ATP6V1C2: variants seen among roughly 807,000 people sequenced by gnomAD.
ATP6V1C2 encodes the protein V-type proton ATPase subunit C 2.
ATP6V1C2 carries 45 observed loss-of-function variants against 56.8 expected under a neutral mutation model. That is an observed-to-expected ratio of 0.79 (90% CI 0.62 to 1.02). The LOEUF (loss-of-function observed/expected upper bound fraction) is 1.02, where lower values mean the gene tolerates loss of function less well. Among genes scored for constraint, ATP6V1C2 ranks in the 50% least tolerant of loss-of-function variants. The pLI is 0.00. For missense variants in ATP6V1C2, 463 were observed against 519.7 expected, an observed-to-expected ratio of 0.89 and a Z score of 1.06; for synonymous variants, 220 against 201.3, an observed-to-expected ratio of 1.09 and a Z score of -0.79.
intron 5 of ATP6V1C2, among the ~76,000 whole-genome samples, chr2:10,766,362 T>C (rs1227919591): frequency 6.6e-6 from 1 of 152,184 alleles, no homozygotes; most frequent in Admixed American, 6.5e-5. Flanking sequence ...GACTCCTCTA[T>C]CATCTCACAA....
At chr2:10,736,211 G>C (rs1302462261) in intron 3 of ATP6V1C2, among the ~76,000 whole-genome samples, 3 of 152,086 alleles carry the variant, frequency 2.0e-5, no homozygotes, top group Non-Finnish European at 4.4e-5. Context: ...ACTGTGCTTT[G>C]AGGATAGCTG....
In ATP6V1C2 at chr2:10,784,134, GTAC is replaced by G. The variant is rs1279910041; in HGVS notation, c.*876_*878del. 3.4e-6 allele frequency: 2 copies of G among 582,218 alleles called. No homozygotes were observed. The highest frequency in any genetic ancestry group is 5.9e-6 in the Non-Finnish European group (2 of 337,406). The allele number at this position is 582,218 out of a possible 1,614,324, so 36.1% of individuals were successfully genotyped here. On this transcript the variant is annotated 3_prime_UTR_variant, in exon 14 of 14. Coordinates refer to ENST00000272238, the MANE Select transcript of ATP6V1C2 (RefSeq NM_001039362.2). ...GCAGTGTTTTCAAATGACCAATCAA[GTAC>G]TACTTCTTGGTTAAAAGGCCACTGG...
chr2:10,733,847 T>TTCCCCTGTCGTTGCTTGCCCCTGAGTGCG (rs1662105626), intron 3 of ATP6V1C2, among the ~76,000 whole-genome samples: 1 of 152,148 alleles, frequency 6.6e-6, no homozygotes, highest in Non-Finnish European at 1.5e-5. Context: ...CCCTGAGTGC[T>TTCCCCTGTCGTTGCTTGCCCCTGAGTGCG]TCCCCTGTCT....
chr2:10,776,305 G>T (rs1664979369), intron 10 of ATP6V1C2, among the ~76,000 whole-genome samples: 1 of 79,350 alleles, frequency 1.3e-5, no homozygotes, highest in African/African-American at 4.9e-5. Flanking sequence ...ATGTATGAGT[G>T]TGTGTGTGGA....
chr2:10,772,944 AG>A (rs752415472), intron 8 of ATP6V1C2, among the ~76,000 whole-genome samples: 33 of 152,286 alleles, frequency 2.2e-4, no homozygotes, highest in Admixed American at 1.8e-3. Flanking sequence ...CAGAGGGGGA[AG>A]CCAGCCCTGG....
intron 3 of ATP6V1C2, among the ~76,000 whole-genome samples, chr2:10,741,995 C>T (rs1322382963): frequency 1.3e-5 from 2 of 151,980 alleles, no homozygotes; most frequent in East Asian, 1.9e-4. Flanking sequence ...GCTGCAATCT[C>T]GCTTCCCGGG....
intron 3 of ATP6V1C2, among the ~76,000 whole-genome samples, chr2:10,729,385 A>G (rs1391774612): frequency 6.6e-6 from 1 of 152,022 alleles, no homozygotes; most frequent in Non-Finnish European, 1.5e-5. Context: ...GCTGGTCTCG[A>G]ACTCCTGACC....
chr2:10,735,696 T>C (rs1662210711), intron 3 of ATP6V1C2, among the ~76,000 whole-genome samples: 1 of 150,592 alleles, frequency 6.6e-6, no homozygotes, highest in African/African-American at 2.4e-5. Context: ...GCTCAAGCCA[T>C]CCTCCTGCCT....
chr2:10,782,421 T>C, intron 13 of ATP6V1C2, 46 bp downstream of exon 13: 1 of 1,600,108 alleles, frequency 6.2e-7, no homozygotes, highest in Non-Finnish European at 8.5e-7. Flanking sequence ...GCTCAGCATC[T>C]TACTTTCAAA....
chr2:10,753,015 A>C (rs1472827453), intron 3 of ATP6V1C2, among the ~76,000 whole-genome samples: 1 of 152,104 alleles, frequency 6.6e-6, no homozygotes, highest in Non-Finnish European at 1.5e-5. Flanking sequence ...AACAAAAGAA[A>C]AAAAGAAAAA....
At chr2:10,749,951 G>A (rs369773574) in intron 3 of ATP6V1C2, among the ~76,000 whole-genome samples, 4 of 152,162 alleles carry the variant, frequency 2.6e-5, no homozygotes, top group African/African-American at 7.2e-5. Flanking sequence ...GTCTTCTCCC[G>A]TGAAAAGGTG....
intron 11 of ATP6V1C2, among the ~76,000 whole-genome samples, chr2:10,778,324 C>T (rs946117526): frequency 6.6e-6 from 1 of 152,214 alleles, no homozygotes; most frequent in Non-Finnish European, 1.5e-5. Context: ...CCCAGCTCCC[C>T]GCGCTGCGGT....
chr2:10,754,733 T>C (rs60925909), intron 4 of ATP6V1C2, among the ~76,000 whole-genome samples: 28,765 of 151,828 alleles, frequency 0.19, 3,184 homozygotes, highest in East Asian at 0.39. Context: ...CCACCACACC[T>C]AGCTAATTTT....
chr2:10,728,489 G>A (rs564810813), intron 3 of ATP6V1C2, among the ~76,000 whole-genome samples: 29 of 152,162 alleles, frequency 1.9e-4, no homozygotes, highest in South Asian at 1.0e-3. Flanking sequence ...CTTCATGTTC[G>A]TTCTTTTAAT....
At chr2:10,723,897 GAT>G in intron 2 of ATP6V1C2, among the ~76,000 whole-genome samples, 1 of 151,146 alleles carries the variant, frequency 6.6e-6, no homozygotes, top group Admixed American at 6.6e-5. Flanking sequence ...GAGTAGCTGG[GAT>G]TACAGGCGTG....
At chr2:10,776,376 A>G (rs1393027525) in intron 10 of ATP6V1C2, among the ~76,000 whole-genome samples, 2 of 152,040 alleles carry the variant, frequency 1.3e-5, no homozygotes, top group Non-Finnish European at 2.9e-5. Flanking sequence ...GCTCCGGCTG[A>G]GCCTGCGGGG....
intron 5 of ATP6V1C2, among the ~76,000 whole-genome samples, chr2:10,765,772 T>C (rs535763251): frequency 1.3e-5 from 2 of 152,290 alleles, no homozygotes; most frequent in East Asian, 3.9e-4. Flanking sequence ...GGCTGGCCCT[T>C]CCCTGCCTCA....
intron 3 of ATP6V1C2, among the ~76,000 whole-genome samples, chr2:10,735,743 ATT>A (rs35949255): frequency 1.2e-4 from 17 of 147,628 alleles, no homozygotes; most frequent in East Asian, 2.0e-4. Context: ...TGCCTGGCTA[ATT>A]TTTTTTTTTT....
rs1664037955 is a variant in ATP6V1C2 at position 10,763,434 on chromosome 2, G to A, written c.284-897G>A. 6.6e-6 allele frequency among the ~76,000 whole-genome samples: 1 copy of A among 152,184 alleles called. No homozygotes were observed. The highest frequency in any genetic ancestry group is 1.5e-5 in the Non-Finnish European group (1 of 68,026). Reference sequence around the variant, plus strand: ...GTGTCTGCCTAGGGGTCTCCCTGTGGACCTTGGGCAGGGGGTGGTGTCTAG... The same window carrying A: ...GTGTCTGCCTAGGGGTCTCCCTGTGAACCTTGGGCAGGGGGTGGTGTCTAG... On this transcript the variant is annotated intron_variant, in intron 4 of 13. Coordinates refer to ENST00000272238, the MANE Select transcript of ATP6V1C2 (RefSeq NM_001039362.2). This position sits in a 1 kb window ranked among gnomAD's most constrained non-coding sequence, Gnocchi z 4.2.
Sources: allele counts gnomAD v4.1 joint callset (sites outside exome capture counted in the v4.1 genomes callset), GRCh38; gene constraint gnomAD v4.1.1; non-coding constraint Gnocchi (gnomAD v3.1); transcripts MANE v1.5; gene names NCBI Gene and HGNC (gene_info 2026-07-23, HGNC 2026-07-21).